Variants in GPR157 observed in about 807,000 individuals in gnomAD.
GPR157 encodes the protein G protein-coupled receptor 157.
Under a neutral mutation model 23.5 loss-of-function variants are expected in GPR157, and 16 were observed. The observed-to-expected ratio is 0.68, with a 90% confidence interval of 0.46 to 1.04. The LOEUF (loss-of-function observed/expected upper bound fraction) is 1.04. Ranked by LOEUF, GPR157 falls within the 50% of genes least tolerant of loss-of-function variation. The pLI is 0.00. For synonymous variants in GPR157, 200 were observed against 221.5 expected (o/e 0.90, Z 0.86); for missense variants, 440 against 460.7 (o/e 0.96, Z 0.41).
rs1004013015 is a variant in GPR157, at chr1:9,128,291, C to A, written c.383+354G>T. 3.7e-6 allele frequency: 2 copies of A among 544,292 alleles called. No individual in the cohort carries two copies. Among genetic ancestry groups the A allele is most frequent in the Admixed American group, 2.2e-5 (1 of 44,954 alleles). The allele number at this position is 544,292 out of a possible 1,614,324, so 33.7% of individuals were successfully genotyped here. On this transcript the variant is annotated intron_variant, in intron 1 of 3. Transcript: ENST00000377411. The surrounding 1 kb of genome is among the most constrained non-coding windows in gnomAD (Gnocchi z 6.3). Reference sequence around the variant, plus strand: ...ACCTAACTCGTCTCCCAGCCTGTTTCCCCATGGGCAGCAGAGACAGCCAGG... The same window carrying A: ...ACCTAACTCGTCTCCCAGCCTGTTTACCCATGGGCAGCAGAGACAGCCAGG...
chr1:9,123,873 G>C (rs1638910420), intron 1 of GPR157, among the ~76,000 whole-genome samples: 2 of 136,242 alleles, frequency 1.5e-5, no homozygotes, highest in Admixed American at 1.5e-4. Context: ...CTGTCACCCA[G>C]GCTGGAGTAC....
chr1:9,123,228 AT>A (rs1288096327), intron 1 of GPR157, among the ~76,000 whole-genome samples: 5 of 119,166 alleles, frequency 4.2e-5, no homozygotes, highest in South Asian at 2.4e-4. Flanking sequence ...TAAAATATAT[AT>A]TTAAATATAT....
At position 9,101,633 on chromosome 1, in the gene GPR157, T is replaced by C. The variant is rs994292293; in HGVS notation, c.*2786A>G. On this transcript the variant is annotated 3_prime_UTR_variant, in exon 4 of 4. Coordinates refer to ENST00000377411, the MANE Select transcript of GPR157 (RefSeq NM_024980.5). ...CTGATGTATAACTTTTTGGAGGTTTTTACAAAAGCAGATACAGTGGCCAGT... is the reference window on the plus strand; with the variant it reads ...CTGATGTATAACTTTTTGGAGGTTTCTACAAAAGCAGATACAGTGGCCAGT... 5 of 152,202 alleles carry C rather than the reference T, an allele frequency of 3.3e-5. No individual in the cohort carries two copies. Among genetic ancestry groups the C allele is most frequent in the Non-Finnish European group, 7.3e-5 (5 of 68,052 alleles). 9.4% of individuals were successfully genotyped at this position (152,202 alleles called of 1,614,324 possible).
chr1:9,115,149 C>T (rs1445558705), intron 1 of GPR157, among the ~76,000 whole-genome samples: 1 of 151,960 alleles, frequency 6.6e-6, no homozygotes, highest in Non-Finnish European at 1.5e-5. Flanking sequence ...CATGTACAGG[C>T]ATGGACAGTG....
At position 9,105,564 on chromosome 1, in the gene GPR157, C is replaced by G. The variant is rs1396739414; in HGVS notation, c.714G>C (p.Arg238Ser). 5.0e-6 allele frequency: 8 copies of G among 1,607,128 alleles called. No individual in the cohort carries two copies. The highest frequency in any genetic ancestry group is 3.3e-4 in the Middle Eastern group (2 of 6,074). ...GCACGAACCGCACGGTGCTCCAGAC[C>G]CTGAGGCCGATGAAGATGAGCGGGA... is the stretch of plus-strand genomic sequence containing the variant. The part of the protein sequence containing the change: ...VLIPLIFIGL[R>S]VWSTVRFVLT... The change falls in exon 3 of 4, where the codon AGG (arginine) becomes AGC (serine). Residue 238 changes from arginine (R) to serine (S), a missense_variant. Coordinates refer to ENST00000377411, the MANE Select transcript of GPR157 (RefSeq NM_024980.5). This position sits in a 1 kb window ranked among gnomAD's most constrained non-coding sequence, Gnocchi z 4.8.
chr1:9,102,657 G>A lies in GPR157; in HGVS notation c.*1762C>T, dbSNP rs1039333677. 1 of 152,044 alleles carries A rather than the reference G, an allele frequency of 6.6e-6. No individual in the cohort carries two copies. The highest frequency in any genetic ancestry group is 2.4e-5 in the African/African-American group (1 of 41,398). 9.4% of individuals were successfully genotyped at this position (152,044 alleles called of 1,614,324 possible). ...GATTCCAAGGGAAATCACCTATCAG[G>A]TAAAGCTGTACTTTCTCTCACCAAG... On this transcript the variant is annotated 3_prime_UTR_variant, in exon 4 of 4. Coordinates refer to ENST00000377411, the MANE Select transcript of GPR157 (RefSeq NM_024980.5).
chr1:9,122,323 C>T (rs762178101), intron 1 of GPR157, among the ~76,000 whole-genome samples: 1 of 152,170 alleles, frequency 6.6e-6, no homozygotes, highest in African/African-American at 2.4e-5. Flanking sequence ...TTCCCCTGAA[C>T]ATTGAGTATC....
At chr1:9,108,410 G>A (rs1557694652) in intron 2 of GPR157, among the ~76,000 whole-genome samples, 3 of 152,234 alleles carry the variant, frequency 2.0e-5, no homozygotes, top group Admixed American at 2.0e-4. Context: ...ACCCGTAAGG[G>A]TCAGCCTCAG....
intron 1 of GPR157, among the ~76,000 whole-genome samples, chr1:9,112,408 G>C (rs918531017): frequency 6.6e-6 from 1 of 152,224 alleles, no homozygotes; most frequent in Non-Finnish European, 1.5e-5. Context: ...GGGGACCTTT[G>C]AAAACATAAA....
Position 9,100,531 on chromosome 1 carries a change from A to C in GPR157, c.*3888T>G, listed in dbSNP as rs977812821. 6.6e-6 allele frequency: 1 copy of C among 152,226 alleles called. No individual in the cohort carries two copies. Among genetic ancestry groups the C allele is most frequent in the Non-Finnish European group, 1.5e-5 (1 of 68,054 alleles). The allele number at this position is 152,226 out of a possible 1,614,324, so 9.4% of individuals were successfully genotyped here. ...TATTTAAAAACAAAACAGAACAAAC[A>C]AACCAAAAAACCCTCAAAAGCACAA... On this transcript the variant is annotated 3_prime_UTR_variant, in exon 4 of 4. Transcript: ENST00000377411.
At chr1:9,104,745 A>G in intron 3 of GPR157, 111 bp from the exon 4 acceptor site, 1 of 737,358 alleles carries the variant, frequency 1.4e-6, no homozygotes, top group Non-Finnish European at 2.2e-6. Context: ...TCACACCTGT[A>G]ATCCCAGCCC....
intron 1 of GPR157, among the ~76,000 whole-genome samples, chr1:9,122,341 A>G (rs1214104345): frequency 6.6e-6 from 1 of 152,118 alleles, no homozygotes; most frequent in African/African-American, 2.4e-5. Flanking sequence ...ATCTCACACA[A>G]CCTTAAAAAA....
In GPR157 at chr1:9,105,203, GTCT is replaced by G. The variant is rs1638262914; in HGVS notation, c.792+280_792+282del. 6.6e-6 allele frequency among the ~76,000 whole-genome samples: 1 copy of G among 152,074 alleles called. No homozygotes were observed. The highest frequency in any genetic ancestry group is 1.5e-5 in the Non-Finnish European group (1 of 68,010). ...CAATGGGCCTTCAGCAGGGCTCCAG[GTCT>G]TCTTGGCTGGGAAGGACCCAAGATC... is the stretch of plus-strand genomic sequence containing the variant. On this transcript the variant is annotated intron_variant, in intron 3 of 3. Transcript: ENST00000377411. This position sits in a 1 kb window ranked among gnomAD's most constrained non-coding sequence, Gnocchi z 4.8.
rs559003895 is a variant in GPR157, at chr1:9,128,445, C to A, written c.383+200G>T. The A allele has an allele frequency of 8.7e-6, 6 of 686,266 alleles. No individual in the cohort carries two copies. Among genetic ancestry groups the A allele is most frequent in the African/African-American group, 5.3e-5 (3 of 56,714 alleles). The allele number at this position is 686,266 out of a possible 1,614,324, so 42.5% of individuals were successfully genotyped here. A position where few individuals can be genotyped will look rare whatever the true frequency, so the allele number is the denominator to read the frequency against. On this transcript the variant is annotated intron_variant, in intron 1 of 3. Transcript: ENST00000377411. This position sits in a 1 kb window ranked among gnomAD's most constrained non-coding sequence, Gnocchi z 6.3. Reference sequence around the variant, plus strand: ...GGGCTGTGCCCTGGGGCAGGCACAGCGGGGCTCCTTCGGGAGGGAGCGAAT... The same window carrying A: ...GGGCTGTGCCCTGGGGCAGGCACAGAGGGGCTCCTTCGGGAGGGAGCGAAT...
chr1:9,125,134 T>C (rs1313000463), intron 1 of GPR157, among the ~76,000 whole-genome samples: 1 of 152,184 alleles, frequency 6.6e-6, no homozygotes, highest in Non-Finnish European at 1.5e-5. Context: ...CCACAATACC[T>C]TACTAGCTAT....
intron 1 of GPR157, among the ~76,000 whole-genome samples, chr1:9,117,689 G>C (rs948783695): frequency 1.3e-5 from 2 of 152,158 alleles, no homozygotes; most frequent in Non-Finnish European, 2.9e-5. Context: ...TTGAACCCGG[G>C]AGGTGGAGGT....
In GPR157 at chr1:9,105,689, G is replaced by A. The variant is rs746887629; in HGVS notation, c.598-9C>T. ...TCAGAGAGTGCCGTGTGCTGTGTGG[G>A]GACAGCGAGGGCAGACTTGAGTGGA... On this transcript the variant is annotated splice_polypyrimidine_tract_variant and intron_variant, in intron 2 of 3. Transcript: ENST00000377411. The surrounding 1 kb of genome is among the most constrained non-coding windows in gnomAD (Gnocchi z 4.8). The A allele has an allele frequency of 2.5e-6, 4 of 1,593,196 alleles. No homozygotes were observed. Among genetic ancestry groups the A allele is most frequent in the Non-Finnish European group, 3.4e-6 (4 of 1,168,058 alleles).
chr1:9,108,859 C>T (rs1328286309), intron 2 of GPR157, among the ~76,000 whole-genome samples: 3 of 152,018 alleles, frequency 2.0e-5, no homozygotes, highest in Non-Finnish European at 4.4e-5. Flanking sequence ...GATCTCAGCT[C>T]ACTGCAAGCT....
Position 9,128,866 on chromosome 1 carries a change from C to T in GPR157, c.162G>A (p.Ser54=), listed in dbSNP as rs563297249. The T allele has an allele frequency of 6.3e-7, 1 of 1,579,726 alleles. No individual in the cohort carries two copies. Among genetic ancestry groups the T allele is most frequent in the Non-Finnish European group, 8.6e-7 (1 of 1,163,998 alleles). The change falls in exon 1 of 4, where the codon TCG becomes TCA. Residue 54 remains serine (S), a synonymous_variant. Coordinates refer to ENST00000377411, the MANE Select transcript of GPR157 (RefSeq NM_024980.5). The surrounding 1 kb of genome is among the most constrained non-coding windows in gnomAD (Gnocchi z 6.3). ...SRARRLLLFL[S]LADLLSAASY... ...AGGCGGCCGAGAGCAGGTCGGCCAG[C>T]GACAGGAAGAGCAGCAGGCGCCGTG...
Sources: allele counts gnomAD v4.1 joint callset (sites outside exome capture counted in the v4.1 genomes callset), GRCh38; gene constraint gnomAD v4.1.1; non-coding constraint Gnocchi (gnomAD v3.1); transcripts MANE v1.5; gene names NCBI Gene and HGNC (gene_info 2026-07-23, HGNC 2026-07-21).